The following MYO3B variants were observed in gnomAD, a reference collection of about 807,000 sequenced individuals.
MYO3B encodes myosin-IIIb.
A neutral mutation model predicts 174.6 loss-of-function variants in MYO3B; 156 were observed. The observed-to-expected ratio is 0.89, with a 90% CI of 0.78 to 1.02. MYO3B has a LOEUF of 1.02. MYO3B is among the 50% of genes least tolerant of loss of function. The pLI is 0.00. For synonymous variants in MYO3B, 563 were observed against 569.1 expected (o/e 0.99, Z 0.15); for missense variants, 1,632 against 1,639.4 (o/e 1.00, Z 0.08).
chr2:170,529,589 T>G (rs1689218117), intron 30 of MYO3B, among the ~76,000 whole-genome samples: 1 of 152,182 alleles, frequency 6.6e-6, no homozygotes, highest in Admixed American at 6.5e-5. Context: ...CCTCATCCCC[T>G]TCCTGCATTA....
chr2:170,270,722 T>G (rs2093419516), intron 7 of MYO3B, among the ~76,000 whole-genome samples: 1 of 152,114 alleles, frequency 6.6e-6, no homozygotes, highest in Admixed American at 6.6e-5. Context: ...GGAATGGTAG[T>G]TTAGGAGAGG....
At chr2:170,541,698 T>C (rs1186920552) in intron 30 of MYO3B, among the ~76,000 whole-genome samples, 1 of 152,172 alleles carries the variant, frequency 6.6e-6, no homozygotes, top group East Asian at 1.9e-4. Flanking sequence ...ATTCAAATGG[T>C]CAATATTTAC....
At chr2:170,560,486 C>T (rs1402004775) in intron 32 of MYO3B, among the ~76,000 whole-genome samples, 6 of 152,174 alleles carry the variant, frequency 3.9e-5, no homozygotes, top group South Asian at 2.1e-4. Context: ...ACCTAATATA[C>T]GTGAAGACTC....
chr2:170,629,910 A>G (rs530638816), intron 32 of MYO3B, among the ~76,000 whole-genome samples: 1 of 151,690 alleles, frequency 6.6e-6, no homozygotes, highest in African/African-American at 2.4e-5. Context: ...TAATGAACTC[A>G]GCTATAATAT....
At chr2:170,482,375 G>C (rs1426214316) in intron 25 of MYO3B, among the ~76,000 whole-genome samples, 1 of 152,152 alleles carries the variant, frequency 6.6e-6, no homozygotes, top group Non-Finnish European at 1.5e-5. Context: ...GGCTGGTCTT[G>C]AACTCCTGAC....
At chr2:170,209,162 C>T (rs1033620380) in intron 3 of MYO3B, among the ~76,000 whole-genome samples, 35 of 152,134 alleles carry the variant, frequency 2.3e-4, no homozygotes, top group African/African-American at 7.7e-4. Context: ...ACAGTTTCTC[C>T]AATTGCATCA....
intron 8 of MYO3B, among the ~76,000 whole-genome samples, chr2:170,352,866 A>G (rs1574836354): frequency 1.3e-5 from 2 of 152,340 alleles, no homozygotes; most frequent in African/African-American, 4.8e-5. Context: ...ATACCACTAC[A>G]TACCTATTGG....
chr2:170,635,283 T>TA (rs1697363829), intron 32 of MYO3B, among the ~76,000 whole-genome samples: 2 of 152,246 alleles, frequency 1.3e-5, no homozygotes, highest in African/African-American at 4.8e-5. Flanking sequence ...TATGCAGCCA[T>TA]AAAAAATGAT....
intron 32 of MYO3B, among the ~76,000 whole-genome samples, chr2:170,562,602 C>T (rs781755364): frequency 6.6e-6 from 1 of 152,154 alleles, no homozygotes; most frequent in African/African-American, 2.4e-5. Flanking sequence ...TCAAATCATG[C>T]ATGAATTTCC....
chr2:170,336,715 G>GT (rs1161173638), intron 8 of MYO3B, among the ~76,000 whole-genome samples: 1 of 152,168 alleles, frequency 6.6e-6, no homozygotes, highest in African/African-American at 2.4e-5. Context: ...ATAATATACA[G>GT]TAAATGTACC....
intron 32 of MYO3B, among the ~76,000 whole-genome samples, chr2:170,562,072 A>G (rs1335738290): frequency 6.6e-6 from 1 of 152,182 alleles, no homozygotes; most frequent in East Asian, 1.9e-4. Context: ...TCAATTTTTC[A>G]TATTTAATAG....
At chr2:170,517,863 G>A (rs1168014411) in intron 29 of MYO3B, among the ~76,000 whole-genome samples, 4 of 151,532 alleles carry the variant, frequency 2.6e-5, no homozygotes, top group African/African-American at 4.9e-5. Flanking sequence ...TTTTATCAAC[G>A]GAGAAAAGGC....
intron 25 of MYO3B, among the ~76,000 whole-genome samples, chr2:170,480,550 T>G (rs1685625122): frequency 6.6e-6 from 1 of 152,162 alleles, no homozygotes; most frequent in African/African-American, 2.4e-5. Flanking sequence ...TTAATTGAAC[T>G]CAAAGAGGGT....
At chr2:170,609,413 A>G (rs1695005526) in intron 32 of MYO3B, among the ~76,000 whole-genome samples, 1 of 152,204 alleles carries the variant, frequency 6.6e-6, no homozygotes, top group African/African-American at 2.4e-5. Context: ...GATGTACTAG[A>G]CCCATCCAAG....
chr2:170,456,038 G>A (rs1683887791), intron 23 of MYO3B, among the ~76,000 whole-genome samples: 1 of 152,122 alleles, frequency 6.6e-6, no homozygotes, highest in Non-Finnish European at 1.5e-5. Flanking sequence ...ATGAGAAAAT[G>A]CATACAGATG....
At chr2:170,242,068 G>T (rs904789018) in intron 7 of MYO3B, among the ~76,000 whole-genome samples, 7 of 152,256 alleles carry the variant, frequency 4.6e-5, no homozygotes, top group African/African-American at 1.7e-4. Context: ...ATGAGTGAGG[G>T]GTGCTGAGTG....
At chr2:170,181,183 T>C (rs1365387768) in intron 1 of MYO3B, among the ~76,000 whole-genome samples, 2 of 152,268 alleles carry the variant, frequency 1.3e-5, no homozygotes, top group Middle Eastern at 3.4e-3. Context: ...GGATAAAGAT[T>C]CTTTTTTTCT....
chr2:170,484,989 G>A (rs1171851366), intron 25 of MYO3B, among the ~76,000 whole-genome samples: 1 of 151,982 alleles, frequency 6.6e-6, no homozygotes, highest in African/African-American at 2.4e-5. Context: ...TCAGATAATT[G>A]TCTAGTATTT....
At chr2:170,361,918 A>G (rs1354935450) in intron 8 of MYO3B, among the ~76,000 whole-genome samples, 2 of 152,182 alleles carry the variant, frequency 1.3e-5, no homozygotes, top group Non-Finnish European at 2.9e-5. Flanking sequence ...CCCTAAGAAC[A>G]TAGTCAGTTA....
Sources: gnomAD v4.1 joint callset for allele counts (sites outside exome capture counted in the v4.1 genomes callset) on GRCh38, gnomAD v4.1.1 for gene constraint, MANE v1.5 for transcripts, NCBI Gene and HGNC (gene_info 2026-07-23, HGNC 2026-07-21) for gene names.